DCDC2: variants seen among roughly 807,000 people sequenced by gnomAD.
DCDC2 encodes the protein doublecortin domain containing 2.
Under a neutral mutation model 50.2 loss-of-function variants are expected in DCDC2, and 40 were observed. The observed-to-expected ratio is 0.80, with a 90% CI of 0.62 to 1.04. The LOEUF is 1.04. Ranked by LOEUF, DCDC2 falls within the 50% of genes least tolerant of loss-of-function variation. DCDC2 has a pLI of 0.00. For missense variants in DCDC2, 570 were observed against 581.9 expected, an observed-to-expected ratio of 0.98 and a Z score of 0.21; for synonymous variants, 234 against 210.6, an observed-to-expected ratio of 1.11 and a Z score of -0.96.
At chr6:24,280,328 TAC>T (rs1019482704) in intron 6 of DCDC2, among the ~76,000 whole-genome samples, 3 of 152,062 alleles carry the variant, frequency 2.0e-5, no homozygotes, top group Admixed American at 6.6e-5. Flanking sequence ...AATTTAAACA[TAC>T]AGTTTCCATT....
intron 7 of DCDC2, among the ~76,000 whole-genome samples, chr6:24,206,406 A>G (rs1207398878): frequency 6.6e-6 from 1 of 152,160 alleles, no homozygotes; most frequent in East Asian, 1.9e-4. Context: ...GGAAGGGAGG[A>G]AAAGAGTGAA....
intron 2 of DCDC2, among the ~76,000 whole-genome samples, chr6:24,312,095 T>G (rs1344656773): frequency 1.3e-5 from 2 of 152,030 alleles, no homozygotes; most frequent in Non-Finnish European, 2.9e-5. Context: ...ACAGTGAGTC[T>G]CAGGAGCTCC....
At chr6:24,351,962 G>A (rs1760380745) in intron 2 of DCDC2, among the ~76,000 whole-genome samples, 1 of 152,102 alleles carries the variant, frequency 6.6e-6, no homozygotes, top group African/African-American at 2.4e-5. Context: ...AAATTAGCCA[G>A]GTGTGGTGGC....
chr6:24,241,861 G>C (rs1271426906), intron 7 of DCDC2, among the ~76,000 whole-genome samples: 3 of 152,132 alleles, frequency 2.0e-5, no homozygotes, highest in Non-Finnish European at 2.9e-5. Context: ...TTTTCAAATG[G>C]AAAATACAAT....
chr6:24,349,286 C>T (rs563523948), intron 2 of DCDC2, among the ~76,000 whole-genome samples: 31 of 152,294 alleles, frequency 2.0e-4, no homozygotes, highest in African/African-American at 7.5e-4. Flanking sequence ...ACTAGAGATG[C>T]TCATCTGTCT....
chr6:24,347,730 A>G (rs1471655542), intron 2 of DCDC2, among the ~76,000 whole-genome samples: 1 of 152,182 alleles, frequency 6.6e-6, no homozygotes, highest in African/African-American at 2.4e-5. Context: ...CATGAATAGC[A>G]TTCATTCAAT....
Position 24,342,517 on chromosome 6 carries a change from T to C in DCDC2, c.348+11052A>G, listed in dbSNP as rs573020837. Among the ~76,000 whole-genome samples the C allele has an allele frequency of 4.6e-5, 7 of 152,372 alleles. No individual in the cohort carries two copies. In the South Asian group the frequency reaches 1.2e-3, roughly 27 times the overall value. ...CTTCTGGGCTTCCACAGGAAGGCTCTGACCCCGAAAACCTTAGATTAGAGC... is the reference window on the plus strand; with the variant it reads ...CTTCTGGGCTTCCACAGGAAGGCTCCGACCCCGAAAACCTTAGATTAGAGC... On this transcript the variant is annotated intron_variant, in intron 2 of 9. Coordinates refer to ENST00000378454, the MANE Select transcript of DCDC2 (RefSeq NM_016356.5).
chr6:24,259,637 G>A (rs1395882545), intron 7 of DCDC2, among the ~76,000 whole-genome samples: 2 of 152,056 alleles, frequency 1.3e-5, no homozygotes, highest in Non-Finnish European at 2.9e-5. Flanking sequence ...ACTACTCTTG[G>A]TTTAAAATGC....
At chr6:24,202,669 G>C (rs1761613372) in intron 8 of DCDC2, among the ~76,000 whole-genome samples, 1 of 152,024 alleles carries the variant, frequency 6.6e-6, no homozygotes, top group Admixed American at 6.6e-5. Context: ...TATTCAAATA[G>C]AAATAGGAAG....
chr6:24,341,877 G>C (rs908633392), intron 2 of DCDC2, among the ~76,000 whole-genome samples: 18 of 152,114 alleles, frequency 1.2e-4, no homozygotes, highest in African/African-American at 4.3e-4. Context: ...TTGAAACAAA[G>C]TTTCCCAAAA....
chr6:24,194,753 T>G (rs115399760), intron 8 of DCDC2, among the ~76,000 whole-genome samples: 4,003 of 152,324 alleles, frequency 0.026, 87 homozygotes, highest in African/African-American at 0.058. Flanking sequence ...CTTGTTCCAC[T>G]GCTGACAGCC....
intron 2 of DCDC2, among the ~76,000 whole-genome samples, chr6:24,314,354 T>A (rs967453624): frequency 1.3e-5 from 2 of 151,906 alleles, no homozygotes; most frequent in African/African-American, 4.8e-5. Context: ...ATTCCTATAA[T>A]CCCAGCTACT....
intron 6 of DCDC2, among the ~76,000 whole-genome samples, chr6:24,279,821 G>A (rs1368439778): frequency 6.6e-6 from 1 of 152,172 alleles, no homozygotes; most frequent in Non-Finnish European, 1.5e-5. Flanking sequence ...CTCATCATTT[G>A]AGTGGAGTTA....
the DCDC2 span, among the ~76,000 whole-genome samples, chr6:24,367,553 G>GGTCA: frequency 2.6e-5 from 4 of 152,214 alleles, no homozygotes; most frequent in Admixed American, 2.6e-4. Flanking sequence ...TACATCAGTT[G>GGTCA]ACCCCTAGAT....
At chr6:24,289,643 G>C (rs1474116914) in intron 5 of DCDC2, among the ~76,000 whole-genome samples, 1 of 152,190 alleles carries the variant, frequency 6.6e-6, no homozygotes, top group Admixed American at 6.5e-5. Flanking sequence ...GATGGGTAAG[G>C]TTGGTTAGCG....
chr6:24,274,561 C>G (rs1581624987), intron 7 of DCDC2, among the ~76,000 whole-genome samples: 2 of 133,930 alleles, frequency 1.5e-5, no homozygotes, highest in East Asian at 4.7e-4. Flanking sequence ...TGTCACTGCT[C>G]TGCTTGAATT....
intron 7 of DCDC2, among the ~76,000 whole-genome samples, chr6:24,232,631 G>A (rs528716981): frequency 1.3e-5 from 2 of 152,262 alleles, no homozygotes; most frequent in South Asian, 2.1e-4. Context: ...CACCAGCCAT[G>A]CTCTTTAATT....
chr6:24,372,551 T>C, the DCDC2 span, among the ~76,000 whole-genome samples: 1 of 151,832 alleles, frequency 6.6e-6, no homozygotes, highest in Non-Finnish European at 1.5e-5. Flanking sequence ...ATTAAGAAAA[T>C]GTGGCACATA....
rs917595669 is a variant in DCDC2 at position 24,173,470 on chromosome 6, C to A, written c.*1260G>T. 1 of 151,998 alleles carries A rather than the reference C, an allele frequency of 6.6e-6. No individual in the cohort carries two copies. Among genetic ancestry groups the A allele is most frequent in the African/African-American group, 2.4e-5 (1 of 41,384 alleles). The allele number at this position is 151,998 out of a possible 1,614,324, so 9.4% of individuals were successfully genotyped here. ...ATCCTTTAAGAAAAATATATTATTT[C>A]TATATTTATGGAAGAACATCTCTTA... On this transcript the variant is annotated 3_prime_UTR_variant, in exon 10 of 10. Transcript: ENST00000378454.
Sources: allele counts gnomAD v4.1 joint callset (sites outside exome capture counted in the v4.1 genomes callset), GRCh38; gene constraint gnomAD v4.1.1; transcripts MANE v1.5; gene names NCBI Gene and HGNC (gene_info 2026-07-23, HGNC 2026-07-21).